Variants in AGAP1 observed in about 807,000 individuals in gnomAD.
The protein encoded by AGAP1 is arf-GAP with GTPase, ANK repeat and PH domain-containing protein 1.
Under a neutral mutation model 105.3 loss-of-function variants are expected in AGAP1, and 29 were observed. That is an observed-to-expected ratio of 0.28 (90% confidence interval 0.21 to 0.38). AGAP1 has a LOEUF of 0.38. Ranked by LOEUF, AGAP1 falls within the 10% of genes least tolerant of loss-of-function variation. The pLI, the probability that AGAP1 is intolerant of heterozygous loss-of-function variation, is 1.00. For synonymous variants in AGAP1, 509 were observed against 485.9 expected, an observed-to-expected ratio of 1.05 and a Z score of -0.63; for missense variants, 998 against 1,165.1, an observed-to-expected ratio of 0.86 and a Z score of 2.09.
rs114340185 is a variant in AGAP1, at chr2:236,070,010, C to T, written c.2114+20729C>T. ...CACCCAGTGTGACAGTGGTGGCTGA[C>T]GCCACCCAAGGGCACACTGGTCCAC... is the stretch of plus-strand genomic sequence containing the variant. On this transcript the variant is annotated intron_variant, in intron 16 of 17. Transcript: ENST00000304032. Among the ~76,000 whole-genome samples the T allele has an allele frequency of 4.6e-3, 707 of 152,360 alleles. 7 individuals are homozygous for T. Among genetic ancestry groups the T allele is most frequent in the African/African-American group, 0.016 (670 of 41,580 alleles).
chr2:235,514,153 TGC>T (rs71400768), intron 1 of AGAP1, among the ~76,000 whole-genome samples: 149 of 138,640 alleles, frequency 1.1e-3, no homozygotes, highest in African/African-American at 3.8e-3. Flanking sequence ...TGCATGCGCG[TGC>T]GCGCGCGCAC....
At chr2:235,859,220 A>G (rs958608438) in intron 9 of AGAP1, among the ~76,000 whole-genome samples, 1 of 151,734 alleles carries the variant, frequency 6.6e-6, no homozygotes, top group Non-Finnish European at 1.5e-5. Flanking sequence ...TTTTTAATAC[A>G]TATTGTTTCT....
At chr2:235,707,211 T>C (rs1035746004) in intron 1 of AGAP1, among the ~76,000 whole-genome samples, 7 of 152,244 alleles carry the variant, frequency 4.6e-5, no homozygotes, top group Non-Finnish European at 1.0e-4. Context: ...ATCTTCTTCC[T>C]CAGGGCTCTT....
At position 235,555,967 on chromosome 2, in the gene AGAP1, A is replaced by G. The variant is rs553087824; in HGVS notation, c.163+61118A>G. ...GAGGCAAAGCAATACTTAGACCTCA[A>G]AAACAAAGCGATGTAGACCTATCTG... is the stretch of plus-strand genomic sequence containing the variant. On this transcript the variant is annotated intron_variant, in intron 1 of 17. Coordinates refer to ENST00000304032, the MANE Select transcript of AGAP1 (RefSeq NM_001037131.3). This position sits in a 1 kb window ranked among gnomAD's most constrained non-coding sequence, Gnocchi z 5.1. 6.6e-6 allele frequency among the ~76,000 whole-genome samples: 1 copy of G among 152,292 alleles called. No homozygotes were observed. Among genetic ancestry groups the G allele is most frequent in the East Asian group, 1.9e-4 (1 of 5,158 alleles).
intron 2 of AGAP1, among the ~76,000 whole-genome samples, chr2:235,710,780 G>C (rs548423668): frequency 6.6e-6 from 1 of 152,260 alleles, no homozygotes; most frequent in Non-Finnish European, 1.5e-5. Flanking sequence ...CGCAGTTTCC[G>C]TTACTTCCTG....
rs1017215423 is a variant in AGAP1, at chr2:235,754,092, C to T, written c.673+3604C>T. ...CATAGCTTGACCCAAAGGGACACAG[C>T]CTGGACTGGATCCCCCATCTTGGGA... is the stretch of plus-strand genomic sequence containing the variant. On this transcript the variant is annotated intron_variant, in intron 6 of 17. Coordinates refer to ENST00000304032, the MANE Select transcript of AGAP1 (RefSeq NM_001037131.3). The surrounding 1 kb of genome is among the most constrained non-coding windows in gnomAD (Gnocchi z 4.6). 2.6e-5 allele frequency among the ~76,000 whole-genome samples: 4 copies of T among 152,184 alleles called. No homozygotes were observed. Among genetic ancestry groups the T allele is most frequent in the Non-Finnish European group, 4.4e-5 (3 of 68,034 alleles).
intron 13 of AGAP1, among the ~76,000 whole-genome samples, chr2:235,999,199 G>T (rs1326714921): frequency 7.1e-6 from 1 of 141,334 alleles, no homozygotes; most frequent in African/African-American, 2.7e-5. Flanking sequence ...TGATGGCAGT[G>T]TGATGACCAA....
chr2:235,651,958 A>G (rs1947609077), intron 1 of AGAP1, among the ~76,000 whole-genome samples: 1 of 152,198 alleles, frequency 6.6e-6, no homozygotes, highest in South Asian at 2.1e-4. Context: ...TTTTACAGCA[A>G]GTGTCTTTTG....
At chr2:235,938,988 T>C (rs1240151691) in intron 12 of AGAP1, among the ~76,000 whole-genome samples, 1 of 151,968 alleles carries the variant, frequency 6.6e-6, no homozygotes, top group Non-Finnish European at 1.5e-5. Flanking sequence ...CCCCAGGGGT[T>C]TCAGATGCGC....
chr2:235,542,225 G>A (rs1459090284), intron 1 of AGAP1, among the ~76,000 whole-genome samples: 1 of 152,118 alleles, frequency 6.6e-6, no homozygotes, highest in Non-Finnish European at 1.5e-5. Flanking sequence ...CCCGGGGGGG[G>A]GCCAGTTGTC....
chr2:235,550,807 C>T lies in AGAP1; in HGVS notation c.163+55958C>T, dbSNP rs1943782104. 6.6e-6 allele frequency among the ~76,000 whole-genome samples: 1 copy of T among 152,168 alleles called. No individual in the cohort carries two copies. The highest frequency in any genetic ancestry group is 2.1e-4 in the South Asian group (1 of 4,826). ...TTATTTTTTTTGAGATAGAGTCTCA[C>T]TCTGTTGCCCAGGCTGGAGTGCAGT... is the stretch of plus-strand genomic sequence containing the variant. On this transcript the variant is annotated intron_variant, in intron 1 of 17. Coordinates refer to ENST00000304032, the MANE Select transcript of AGAP1 (RefSeq NM_001037131.3). The surrounding 1 kb of genome is among the most constrained non-coding windows in gnomAD (Gnocchi z 4.6).
rs1386032796 is a variant in AGAP1 at position 235,906,084 on chromosome 2, G to C, written c.1156-2654G>C. Among the ~76,000 whole-genome samples the C allele has an allele frequency of 6.6e-6, 1 of 152,128 alleles. No homozygotes were observed. Among genetic ancestry groups the C allele is most frequent in the Non-Finnish European group, 1.5e-5 (1 of 68,016 alleles). On this transcript the variant is annotated intron_variant, in intron 10 of 17. Transcript: ENST00000304032. This position sits in a 1 kb window ranked among gnomAD's most constrained non-coding sequence, Gnocchi z 5.3. ...ACCCACCATGACAGCTTTCCTCCAA[G>C]GGGGCTGTGGCTGACTCCAGCCAGC...
intron 1 of AGAP1, among the ~76,000 whole-genome samples, chr2:235,704,707 C>T (rs1553610013): frequency 2.6e-5 from 4 of 152,224 alleles, no homozygotes; most frequent in Non-Finnish European, 5.9e-5. Flanking sequence ...TCACCTGTTG[C>T]TGGCTTTGCT....
chr2:235,860,144 C>T (rs997661736), intron 9 of AGAP1, among the ~76,000 whole-genome samples: 1 of 152,082 alleles, frequency 6.6e-6, no homozygotes, highest in Non-Finnish European at 1.5e-5. Flanking sequence ...CACAAATACT[C>T]ATTAAAACAG....
Position 236,123,542 on chromosome 2 carries a change from TTTC to T in AGAP1, c.2371-371_2371-369del, listed in dbSNP as rs1473201547. On this transcript the variant is annotated intron_variant, in intron 17 of 17. Transcript: ENST00000304032. The surrounding 1 kb of genome is among the most constrained non-coding windows in gnomAD (Gnocchi z 4.6). ...AGTAGTAAGATTATGGGTGATTTTT[TTTC>T]TTCTTGAGCTGTTATGTGTTATTTG... 6.6e-6 allele frequency among the ~76,000 whole-genome samples: 1 copy of T among 152,244 alleles called. No individual in the cohort carries two copies. The highest frequency in any genetic ancestry group is 1.5e-5 in the Non-Finnish European group (1 of 68,046).
chr2:235,803,469 T>C (rs769288796), intron 8 of AGAP1, among the ~76,000 whole-genome samples: 13 of 152,234 alleles, frequency 8.5e-5, no homozygotes, highest in Non-Finnish European at 1.6e-4. Flanking sequence ...AAGTGTCTAG[T>C]CAGAGGACAG....
At chr2:235,765,566 G>C (rs1954884355) in intron 6 of AGAP1, among the ~76,000 whole-genome samples, 1 of 152,166 alleles carries the variant, frequency 6.6e-6, no homozygotes, top group Admixed American at 6.5e-5. Flanking sequence ...CAGCCAACCG[G>C]ACTGTACCAC....
intron 6 of AGAP1, among the ~76,000 whole-genome samples, chr2:235,765,884 G>A (rs955566631): frequency 6.6e-6 from 1 of 152,218 alleles, no homozygotes; most frequent in Admixed American, 6.5e-5. Context: ...GTCCAAGGTA[G>A]TGCTTACATT....
intron 16 of AGAP1, among the ~76,000 whole-genome samples, chr2:236,091,059 A>G (rs2059047274): frequency 6.6e-6 from 1 of 152,202 alleles, no homozygotes; most frequent in Non-Finnish European, 1.5e-5. Flanking sequence ...TGGTAAGCAC[A>G]TTTCTGAACA....
Sources: allele counts gnomAD v4.1 joint callset (sites outside exome capture counted in the v4.1 genomes callset), GRCh38; gene constraint gnomAD v4.1.1; non-coding constraint Gnocchi (gnomAD v3.1); transcripts MANE v1.5; gene names NCBI Gene and HGNC (gene_info 2026-07-23, HGNC 2026-07-21).